Variants in ATAD2 observed in about 807,000 individuals in gnomAD.
ATAD2 encodes ATPase family AAA domain containing 2, also known as ATPase family AAA domain-containing protein 2.
Under a neutral mutation model 168.9 loss-of-function variants are expected in ATAD2, and 62 were observed. The observed-to-expected ratio is 0.37, with a 90% CI of 0.30 to 0.45. ATAD2 has a LOEUF of 0.45. ATAD2 is among the 20% of genes least tolerant of loss of function. The pLI is 1.00. For synonymous variants in ATAD2, 613 were observed against 571.6 expected, an observed-to-expected ratio of 1.07 and a Z score of -1.03; for missense variants, 1,419 against 1,667.8, an observed-to-expected ratio of 0.85 and a Z score of 2.60.
Position 123,328,313 on chromosome 8 carries a change from C to T in ATAD2, c.3745G>A (p.Glu1249Lys). The change falls in exon 25 of 28, where the codon GAG (glutamate) becomes AAG (lysine). Residue 1249 changes from glutamate to lysine, a missense_variant. Coordinates refer to ENST00000287394, the MANE Select transcript of ATAD2 (RefSeq NM_014109.4). ...TTCCTAGAGTCTTCAAGCTCATTCT[C>T]TATATTACAAGTATTTGAATTATTT... ...LRNNSNTCNI[E>K]NELEDSRKTT... is the part of the protein sequence containing the mutation. 1 of 1,606,974 alleles carries T rather than the reference C, an allele frequency of 6.2e-7. No individual in the cohort carries two copies. Among genetic ancestry groups the T allele is most frequent in the Non-Finnish European group, 8.5e-7 (1 of 1,177,600 alleles).
In ATAD2 at chr8:123,361,539, C is replaced by T. The variant is rs751315060; in HGVS notation, c.1157G>A (p.Arg386Lys). The T allele has an allele frequency of 6.2e-7, 1 of 1,607,190 alleles. No individual in the cohort carries two copies. Among genetic ancestry groups the T allele is most frequent in the Non-Finnish European group, 8.5e-7 (1 of 1,174,242 alleles). ...RKRSRNRAIN[R>K]CLPLNFRKDE... ...AAAAAGGCATCAATATGGCACTTACCTATTGATAGCCCTATTACGACTCCT... is the reference window on the plus strand; with the variant it reads ...AAAAAGGCATCAATATGGCACTTACTTATTGATAGCCCTATTACGACTCCT... The change falls in exon 9 of 28, where the codon AGG (arginine) becomes AAG (lysine). Residue 386 changes from arginine to lysine, a missense_variant and splice_region_variant. Around this residue, in one of 5 missense-constraint regions of ATAD2, gnomAD observed 146 missense variants for 188.3 expected, o/e 0.78. Transcript: ENST00000287394.
At chr8:123,376,562 T>TACACAC (rs529588632) in intron 2 of ATAD2, among the ~76,000 whole-genome samples, 6 of 150,256 alleles carry the variant, frequency 4.0e-5, no homozygotes, top group Admixed American at 2.7e-4. Flanking sequence ...TCAAAAAAAA[T>TACACAC]ACACACACAC....
chr8:123,389,418 T>C (rs1188033947), intron 1 of ATAD2, among the ~76,000 whole-genome samples: 2 of 149,814 alleles, frequency 1.3e-5, no homozygotes, highest in Admixed American at 1.3e-4. Flanking sequence ...GGCGGGCGGA[T>C]CACGAAGTCG....
intron 11 of ATAD2, among the ~76,000 whole-genome samples, chr8:123,358,852 C>T (rs767702564): frequency 2.6e-4 from 40 of 151,164 alleles, no homozygotes; most frequent in Non-Finnish European, 4.3e-4. Flanking sequence ...CCTCAGCGCA[C>T]GCCGCCAGGC....
In ATAD2 at chr8:123,359,646, G is replaced by A. The variant is rs572210705; in HGVS notation, c.1197C>T (p.Gly399=). Residue 399 remains glycine (G), a synonymous_variant, in exon 10 of 28, where the codon GGC becomes GGT. Transcript: ENST00000287394. ...CAATTTTCATTCGATCTTTATAAAT[G>A]CCTTTTAATTCATCTTTCCGAAAAT... ...PLNFRKDELK[G]IYKDRMKIGA... 1 of 1,612,908 alleles carries A rather than the reference G, an allele frequency of 6.2e-7. No individual in the cohort carries two copies. Among genetic ancestry groups the A allele is most frequent in the Admixed American group, 1.7e-5 (1 of 59,794 alleles).
rs1829780022 is a variant in ATAD2 at position 123,389,997 on chromosome 8, T to C, written c.171+6190A>G. Among the ~76,000 whole-genome samples, 6 of 138,998 alleles carry C rather than the reference T, an allele frequency of 4.3e-5. No homozygotes were observed. In the South Asian group the frequency reaches 1.4e-3, roughly 33 times the overall value. The allele number at this position is 138,998 out of a possible 152,430, so 91.2% of individuals were successfully genotyped here. On this transcript the variant is annotated intron_variant, in intron 1 of 27. Transcript: ENST00000287394. ...ATATATATATATATTTTTTTTTTTT[T>C]AGACAGAGTCTTGCTCTCTTGCCCA...
In ATAD2 at chr8:123,333,967, T is replaced by C. The variant is rs555370977; in HGVS notation, c.3389A>G (p.Asn1130Ser). The change falls in exon 24 of 28, where the codon AAT becomes AGT. Residue 1130 changes from asparagine (N) to serine (S), a missense_variant. Coordinates refer to ENST00000287394, the MANE Select transcript of ATAD2 (RefSeq NM_014109.4). The part of the protein sequence containing the change: ...PSYYHVMPKQ[N>S]STLVGDKRSD... ...TCTTTTATCACCAACAAGAGTGGAA[T>C]TTTGCTTTGGCATCACATGGTAGTA... The C allele has an allele frequency of 6.2e-7, 1 of 1,614,182 alleles. No individual in the cohort carries two copies. The highest frequency in any genetic ancestry group is 1.1e-5 in the South Asian group (1 of 91,082).
chr8:123,327,511 T>TAA (rs3082714), intron 25 of ATAD2, among the ~76,000 whole-genome samples: 1 of 142,418 alleles, frequency 7.0e-6, no homozygotes, highest in Non-Finnish European at 1.5e-5. Flanking sequence ...TATCAGCCAC[T>TAA]AAAAAAAAAA....
chr8:123,359,474 G>C lies in ATAD2; in HGVS notation c.1266+103C>G. ...TAACAGAAAACGTCTGTAAAGGTTA[G>C]AGTTTTGACTAAAAAGAAAAATCAT... On this transcript the variant is annotated intron_variant, in intron 10 of 27. Coordinates refer to ENST00000287394, the MANE Select transcript of ATAD2 (RefSeq NM_014109.4). 16 of 1,276,320 alleles carry C rather than the reference G, an allele frequency of 1.3e-5. No individual in the cohort carries two copies. The South Asian group carries it at 1.8e-4, about 14-fold the overall frequency. 79.1% of individuals were successfully genotyped at this position (1,276,320 alleles called of 1,614,324 possible).
Position 123,369,918 on chromosome 8 carries a change from T to TTCATCA in ATAD2, c.828_833dup (p.Asp276_Asp277dup), listed in dbSNP as rs113064839. ...CTCCATCTTCTTCATCTTCATCATC[T>TTCATCA]TCATCATCATCATCATCATCATCAT... is the stretch of plus-strand genomic sequence containing the variant. On this transcript the variant is annotated inframe_insertion, in exon 7 of 28. Coordinates refer to ENST00000287394, the MANE Select transcript of ATAD2 (RefSeq NM_014109.4). The TTCATCA allele has an allele frequency of 5.9e-3, 9,263 of 1,567,926 alleles. 435 individuals carry two copies. The African/African-American group carries it at 0.11, about 19-fold the overall frequency.
intron 1 of ATAD2, among the ~76,000 whole-genome samples, chr8:123,391,431 T>TC (rs1482647716): frequency 2.7e-5 from 3 of 112,628 alleles, no homozygotes; most frequent in African/African-American, 1.1e-4. Flanking sequence ...TGACTAAAAG[T>TC]AACTTCAGAA....
At position 123,347,272 on chromosome 8, in the gene ATAD2, C is replaced by G; in HGVS notation, c.2032G>C (p.Asp678His). The change falls in exon 16 of 28, where the codon GAT becomes CAT. Residue 678 changes from aspartate to histidine, a missense_variant. By Grantham distance (81) the Asp-to-His change is moderately conservative. Coordinates refer to ENST00000287394, the MANE Select transcript of ATAD2 (RefSeq NM_014109.4). Reference sequence around the variant, plus strand: ...ATCTTTTGCATAGCTACCTCGAAATCCTTAGCTGAGATATTAATTGAAGAG... The same window carrying G: ...ATCTTTTGCATAGCTACCTCGAAATGCTTAGCTGAGATATTAATTGAAGAG... ...DLSSINISAKDFEVAMQKMIP... is the reference protein window; with the variant it reads ...DLSSINISAKHFEVAMQKMIP... 6.2e-7 allele frequency: 1 copy of G among 1,614,082 alleles called. No individual in the cohort carries two copies. Among genetic ancestry groups the G allele is most frequent in the Non-Finnish European group, 8.5e-7 (1 of 1,180,028 alleles).
chr8:123,322,934 T>C lies in ATAD2; in HGVS notation c.4131+4A>G, dbSNP rs370871420. 2.2e-5 allele frequency: 35 copies of C among 1,611,776 alleles called. No individual in the cohort carries two copies. In the African/African-American group the frequency reaches 4.0e-4, roughly 18 times the overall value. On this transcript the variant is annotated splice_donor_region_variant and intron_variant, in intron 27 of 27. Coordinates refer to ENST00000287394, the MANE Select transcript of ATAD2 (RefSeq NM_014109.4). The stretch of plus-strand genomic sequence containing the variant: ...TTGTAAAAAGTTTCCACTCAAGAGT[T>C]TACCTGAATAAGTGATGTTTTATCA...
At chr8:123,370,086 A>G in intron 6 of ATAD2, 62 bp from the exon 7 acceptor site, 1 of 1,469,096 alleles carries the variant, frequency 6.8e-7, no homozygotes, top group Non-Finnish European at 9.3e-7. Context: ...AATTTTTAAC[A>G]TAGGTGAGTT....
chr8:123,360,837 A>T (rs981781527), intron 9 of ATAD2, among the ~76,000 whole-genome samples: 2 of 152,128 alleles, frequency 1.3e-5, no homozygotes, highest in African/African-American at 4.8e-5. Context: ...AAATCAAATA[A>T]GCTGGTTAGT....
chr8:123,358,354 T>G (rs1392734202), intron 11 of ATAD2, among the ~76,000 whole-genome samples: 1 of 150,336 alleles, frequency 6.7e-6, no homozygotes, highest in Non-Finnish European at 1.5e-5. Context: ...CACTTTCTAT[T>G]TTTTTTTTGA....
At chr8:123,368,574 G>A (rs1453305636) in intron 8 of ATAD2, among the ~76,000 whole-genome samples, 5 of 152,154 alleles carry the variant, frequency 3.3e-5, no homozygotes, top group African/African-American at 9.7e-5. Context: ...TACAACAGAA[G>A]AGGAATAAAT....
intron 13 of ATAD2, among the ~76,000 whole-genome samples, chr8:123,350,627 C>T (rs191901179): frequency 1.0e-3 from 154 of 152,236 alleles, no homozygotes; most frequent in African/African-American, 3.4e-3. Flanking sequence ...TTCCTTCCCA[C>T]GTTCTGGACT....
Position 123,370,031 on chromosome 8 carries a change from T to G in ATAD2, c.728-7A>C. ...TCACCCTCTTCAGATGACTCTACAATTAAGAGATCCTTACTTCCAGAAAGA... is the reference window on the plus strand; with the variant it reads ...TCACCCTCTTCAGATGACTCTACAAGTAAGAGATCCTTACTTCCAGAAAGA... On this transcript the variant is annotated splice_region_variant and splice_polypyrimidine_tract_variant and intron_variant, in intron 6 of 27. Transcript: ENST00000287394. 6.3e-7 allele frequency: 1 copy of G among 1,599,620 alleles called. No homozygotes were observed.
Sources: allele counts gnomAD v4.1 joint callset (sites outside exome capture counted in the v4.1 genomes callset), GRCh38; gene constraint gnomAD v4.1.1; regional missense constraint gnomAD v4.1.1; transcripts MANE v1.5; gene names NCBI Gene and HGNC (gene_info 2026-07-23, HGNC 2026-07-21).